Variants in PICALM observed in about 807,000 individuals in gnomAD.
PICALM encodes the protein phosphatidylinositol-binding clathrin assembly protein.
PICALM carries 40 observed loss-of-function variants against 80.5 expected under a neutral mutation model. The ratio of observed to expected loss-of-function variants is 0.50; its 90% confidence interval spans 0.39 to 0.65. The LOEUF is 0.65. PICALM is among the 30% of genes least tolerant of loss of function. The pLI, the probability that PICALM is intolerant of heterozygous loss-of-function variation, is 0.00. For synonymous variants in PICALM, 288 were observed against 260.3 expected, an observed-to-expected ratio of 1.11 and a Z score of -1.02; for missense variants, 676 against 778.9, an observed-to-expected ratio of 0.87 and a Z score of 1.57.
intron 7 of PICALM, among the ~76,000 whole-genome samples, chr11:86,008,166 C>T (rs1156297936): frequency 6.6e-6 from 1 of 152,082 alleles, no homozygotes; most frequent in Non-Finnish European, 1.5e-5. Context: ...GATGCTCAGG[C>T]CCTAGGCAAT....
chr11:86,017,434 T>C lies in PICALM; in HGVS notation c.453-2471A>G, dbSNP rs543548532. ...CCTAAGATTGTAAAGCTTTTAACAA[T>C]GTTAAAAAACAAGGAAAAATACTCA... On this transcript the variant is annotated intron_variant, in intron 4 of 19. Coordinates refer to ENST00000393346, the MANE Select transcript of PICALM (RefSeq NM_007166.4). Among the ~76,000 whole-genome samples, 5 of 152,312 alleles carry C rather than the reference T, an allele frequency of 3.3e-5. No homozygotes were observed. In the South Asian group the frequency reaches 1.0e-3, roughly 32 times the overall value.
chr11:85,974,046 T>TA (rs138658992), intron 19 of PICALM, among the ~76,000 whole-genome samples: 6,428 of 145,366 alleles, frequency 0.044, 182 homozygotes, highest in Non-Finnish European at 0.063. Context: ...GGTAAAACAT[T>TA]AAAAAAAAAA....
intron 1 of PICALM, among the ~76,000 whole-genome samples, chr11:86,060,737 A>G (rs1475228448): frequency 6.7e-6 from 1 of 148,730 alleles, no homozygotes; most frequent in African/African-American, 2.5e-5. Context: ...TCCACAGGCA[A>G]AAAAAAAAAA....
At chr11:86,040,388 C>T (rs991993936) in intron 1 of PICALM, among the ~76,000 whole-genome samples, 3 of 152,032 alleles carry the variant, frequency 2.0e-5, no homozygotes, top group Non-Finnish European at 2.9e-5. Flanking sequence ...TTTATAGAGA[C>T]GAGGTCTCCC....
upstream of PICALM, chr11:86,069,784 T>C (rs984302867): frequency 6.6e-6 from 1 of 152,300 alleles, no homozygotes; most frequent in East Asian, 1.9e-4. Context: ...TTTGTTTATC[T>C]CTACTCCGAA....
At chr11:86,061,346 A>C (rs1007856918) in intron 1 of PICALM, among the ~76,000 whole-genome samples, 18 of 146,266 alleles carry the variant, frequency 1.2e-4, no homozygotes, top group Non-Finnish European at 2.6e-4. Context: ...AAAAAAAAAA[A>C]AAAAAAAAAG....
intron 11 of PICALM, among the ~76,000 whole-genome samples, chr11:85,999,981 T>C (rs1252811485): frequency 6.6e-6 from 1 of 152,248 alleles, no homozygotes; most frequent in Admixed American, 6.5e-5. Flanking sequence ...CAGTCTCATC[T>C]GAAAACAAGG....
At chr11:86,054,043 G>A (rs2096233669) in intron 1 of PICALM, among the ~76,000 whole-genome samples, 1 of 152,156 alleles carries the variant, frequency 6.6e-6, no homozygotes, top group African/African-American at 2.4e-5. Context: ...CAATAAGATA[G>A]TTTGTGTTAA....
intron 14 of PICALM, among the ~76,000 whole-genome samples, chr11:85,982,788 AC>A (rs1423350654): frequency 6.6e-6 from 1 of 152,090 alleles, no homozygotes; most frequent in Non-Finnish European, 1.5e-5. Flanking sequence ...ACTGCTAAAT[AC>A]TGTAATTGTA....
rs767027958 is a variant in PICALM, at chr11:85,990,236, A to C, written c.1408+14T>G. The C allele has an allele frequency of 1.3e-6, 2 of 1,538,706 alleles. No homozygotes were observed. The highest frequency in any genetic ancestry group is 8.9e-7 in the Non-Finnish European group (1 of 1,122,916). On this transcript the variant is annotated intron_variant, in intron 13 of 19. Transcript: ENST00000393346. The stretch of plus-strand genomic sequence containing the variant: ...TAAACATTGATTGGAAAAAAAGGTT[A>C]AATGGTACTTTACCAACAAACATTT...
At chr11:86,057,492 C>T (rs529325722) in intron 1 of PICALM, among the ~76,000 whole-genome samples, 5 of 152,118 alleles carry the variant, frequency 3.3e-5, no homozygotes, top group African/African-American at 7.2e-5. Context: ...GAGCTGAGAT[C>T]GTGCCATTGC....
intron 8 of PICALM, among the ~76,000 whole-genome samples, chr11:86,004,060 C>T (rs913050286): frequency 2.0e-5 from 3 of 152,124 alleles, no homozygotes; most frequent in African/African-American, 7.2e-5. Flanking sequence ...TACACACCTA[C>T]CTTAATGACC....
At chr11:86,060,395 C>T (rs921209337) in intron 1 of PICALM, among the ~76,000 whole-genome samples, 14 of 152,146 alleles carry the variant, frequency 9.2e-5, no homozygotes, top group African/African-American at 3.4e-4. Flanking sequence ...CACTGTTTCA[C>T]ATTTTGGCAA....
In PICALM at chr11:86,000,496, T is replaced by G. The variant is rs930437044; in HGVS notation, c.1154+147A>C. On this transcript the variant is annotated intron_variant, in intron 11 of 19. Transcript: ENST00000393346. The stretch of plus-strand genomic sequence containing the variant: ...AACTCATCACTTTATCTTTAGGTAT[T>G]ATACCAATATCACCATTTATCGCCA... 1.9e-5 allele frequency: 11 copies of G among 583,312 alleles called. No individual in the cohort carries two copies. In the African/African-American group the frequency reaches 2.0e-4, roughly 11 times the overall value. 36.1% of individuals were successfully genotyped at this position (583,312 alleles called of 1,614,324 possible).
chr11:85,959,213 C>T (rs1283577094), intron 19 of PICALM, among the ~76,000 whole-genome samples, 153 bp from the exon 20 acceptor site: 1 of 152,202 alleles, frequency 6.6e-6, no homozygotes, highest in Non-Finnish European at 1.5e-5. Flanking sequence ...TCAGTATTAT[C>T]AACTTATGTG....
intron 2 of PICALM, among the ~76,000 whole-genome samples, chr11:86,030,724 A>G (rs2095736788): frequency 6.6e-6 from 1 of 152,222 alleles, no homozygotes; most frequent in South Asian, 2.1e-4. Flanking sequence ...AAGAAGGCAC[A>G]CTTCAATCAG....
chr11:86,035,543 A>G (rs2095825954), intron 1 of PICALM, among the ~76,000 whole-genome samples: 1 of 152,204 alleles, frequency 6.6e-6, no homozygotes, highest in Admixed American at 6.5e-5. Context: ...AATACATATA[A>G]AATTTAGTAA....
Position 86,031,471 on chromosome 11 carries a change from C to T in PICALM, c.271G>A (p.Glu91Lys). 1 of 1,609,532 alleles carries T rather than the reference C, an allele frequency of 6.2e-7. No homozygotes were observed. The highest frequency in any genetic ancestry group is 8.5e-7 in the Non-Finnish European group (1 of 1,178,496). The change falls in exon 2 of 20, where the codon GAG (glutamate) becomes AAG (lysine). Residue 91 changes from glutamate to lysine, a missense_variant and splice_region_variant. This residue lies in a region of PICALM where 285 missense variants were observed against 395.4 expected (regional missense o/e 0.72). Coordinates refer to ENST00000393346, the MANE Select transcript of PICALM (RefSeq NM_007166.4). ...TGTTCAATAAAAATTCTGCTTACCT[C>T]ATTTCCATACACCATCAAATGATGA... Reference protein sequence around the residue: ...TTHHLMVYGNERFIQYLASRN... With the variant: ...TTHHLMVYGNKRFIQYLASRN...
intron 1 of PICALM, among the ~76,000 whole-genome samples, chr11:86,054,593 T>G (rs1043333217): frequency 3.3e-5 from 5 of 152,130 alleles, no homozygotes; most frequent in African/African-American, 1.2e-4. Context: ...ATCCTTAAAG[T>G]TCCTGTTACC....
Sources: gnomAD v4.1 joint callset for allele counts (sites outside exome capture counted in the v4.1 genomes callset) on GRCh38, gnomAD v4.1.1 for gene constraint, gnomAD v4.1.1 regional missense constraint, MANE v1.5 for transcripts, NCBI Gene and HGNC (gene_info 2026-07-23, HGNC 2026-07-21) for gene names.